Variants in TAFA2 observed in about 807,000 individuals in gnomAD.
The protein encoded by TAFA2 is chemokine-like protein TAFA-2.
Under a neutral mutation model 18.8 loss-of-function variants are expected in TAFA2, and 7 were observed. The observed-to-expected ratio is 0.37, with a 90% CI of 0.21 to 0.70. TAFA2 has a LOEUF of 0.70. Among genes scored for constraint, TAFA2 ranks in the 30% least tolerant of loss-of-function variants. TAFA2 has a pLI of 0.53. For synonymous variants in TAFA2, 60 were observed against 54.2 expected, an observed-to-expected ratio of 1.11 and a Z score of -0.47; for missense variants, 122 against 158.1, an observed-to-expected ratio of 0.77 and a Z score of 1.23.
intron 1 of TAFA2, among the ~76,000 whole-genome samples, chr12:61,934,590 T>C (rs958085534): frequency 3.3e-5 from 5 of 152,236 alleles, no homozygotes; most frequent in African/African-American, 1.2e-4. Flanking sequence ...ACCAAGATTA[T>C]TGTTTGCCTG....
intron 1 of TAFA2, among the ~76,000 whole-genome samples, chr12:62,058,626 CT>C (rs1555186707): frequency 5.9e-5 from 3 of 50,654 alleles, no homozygotes; most frequent in African/African-American, 9.8e-5. Context: ...CACCTCCCCC[CT>C]TTTTTTTCTG....
At chr12:61,724,844 G>A (rs1057402703) in intron 4 of TAFA2, among the ~76,000 whole-genome samples, 1 of 76,420 alleles carries the variant, frequency 1.3e-5, no homozygotes, top group African/African-American at 6.5e-5. Flanking sequence ...CCAGTAGTGA[G>A]ATTGCTGGAT....
intron 2 of TAFA2, among the ~76,000 whole-genome samples, chr12:61,768,001 C>T (rs557190006): frequency 6.2e-4 from 94 of 152,098 alleles, no homozygotes; most frequent in Non-Finnish European, 1.2e-3. Context: ...TTAGGAGAAC[C>T]ACTTGTCAGC....
chr12:62,136,698 C>T (rs1045292795), intron 1 of TAFA2, among the ~76,000 whole-genome samples: 2 of 152,104 alleles, frequency 1.3e-5, no homozygotes, highest in Non-Finnish European at 2.9e-5. Flanking sequence ...ATAACATCTT[C>T]TAACCACAAA....
intron 2 of TAFA2, among the ~76,000 whole-genome samples, chr12:61,819,936 C>CA (rs1475222571): frequency 6.6e-6 from 1 of 151,990 alleles, no homozygotes; most frequent in East Asian, 1.9e-4. Context: ...TTTTTCTTTT[C>CA]AAAATCCATG....
chr12:62,069,681 G>T (rs748454633), intron 1 of TAFA2, among the ~76,000 whole-genome samples: 13 of 152,038 alleles, frequency 8.6e-5, no homozygotes, highest in Non-Finnish European at 1.5e-4. Context: ...CTTGAAAAAA[G>T]AAAACACATA....
upstream of TAFA2, among the ~76,000 whole-genome samples, chr12:62,193,060 G>A (rs989484864): frequency 1.3e-5 from 2 of 152,192 alleles, no homozygotes; most frequent in Non-Finnish European, 2.9e-5. Context: ...TATTCATGAC[G>A]CTGGAAGGTC....
Position 61,736,219 on chromosome 12 carries a change from G to C in TAFA2, c.384+17403C>G, listed in dbSNP as rs75099909. Among the ~76,000 whole-genome samples the C allele has an allele frequency of 1.9e-3, 292 of 152,076 alleles. 2 individuals carry two copies. The highest frequency in any genetic ancestry group is 3.6e-3 in the Admixed American group (55 of 15,234). On this transcript the variant is annotated intron_variant, in intron 4 of 4. Coordinates refer to ENST00000416284, the MANE Select transcript of TAFA2 (RefSeq NM_178539.5). ...TCCATGGGTTAAGTGATTTCCAAGA[G>C]CCGACTAATCTCTGTTAGTCTTCAT...
At chr12:62,190,597 T>C (rs896988999) in intron 1 of TAFA2, among the ~76,000 whole-genome samples, 4 of 152,206 alleles carry the variant, frequency 2.6e-5, no homozygotes, top group African/African-American at 9.6e-5. Flanking sequence ...TGTAGTAGCC[T>C]TTACAAAAGC....
intron 1 of TAFA2, among the ~76,000 whole-genome samples, chr12:61,976,971 C>A (rs1879459577): frequency 6.6e-6 from 1 of 151,968 alleles, no homozygotes; most frequent in Non-Finnish European, 1.5e-5. Flanking sequence ...GTGAATAGTG[C>A]CGTAATAAAC....
At chr12:62,184,662 A>AT (rs1306823003) in intron 1 of TAFA2, among the ~76,000 whole-genome samples, 64 of 142,974 alleles carry the variant, frequency 4.5e-4, no homozygotes, top group East Asian at 1.0e-3. Flanking sequence ...TGCCTGGCTA[A>AT]TTTTTTTTTT....
chr12:61,809,556 A>C (rs1871771916), intron 2 of TAFA2, among the ~76,000 whole-genome samples: 1 of 151,226 alleles, frequency 6.6e-6, no homozygotes, highest in African/African-American at 2.5e-5. Context: ...TACTGAAAGA[A>C]CAGAACAGGC....
chr12:61,710,615 A>C (rs923654602), intron 4 of TAFA2, among the ~76,000 whole-genome samples, 198 bp from the exon 5 acceptor site: 1 of 152,100 alleles, frequency 6.6e-6, no homozygotes, highest in African/African-American at 2.4e-5. Flanking sequence ...ATCATCTCAC[A>C]ATATTTTTAA....
chr12:61,740,158 C>G (rs1868381620), intron 4 of TAFA2, among the ~76,000 whole-genome samples: 1 of 151,958 alleles, frequency 6.6e-6, no homozygotes, highest in Admixed American at 6.6e-5. Context: ...TTTAACAGGA[C>G]CAAGAAGAGA....
intron 2 of TAFA2, among the ~76,000 whole-genome samples, chr12:61,859,867 AT>A (rs1874057701): frequency 6.6e-6 from 1 of 152,220 alleles, no homozygotes; most frequent in Non-Finnish European, 1.5e-5. Flanking sequence ...CTGGTTGATA[AT>A]TGCACACTAA....
chr12:61,846,786 T>A (rs977746286), intron 2 of TAFA2, among the ~76,000 whole-genome samples: 4 of 152,184 alleles, frequency 2.6e-5, no homozygotes, highest in African/African-American at 9.7e-5. Context: ...TAGAGGTATT[T>A]AATTTCCTCT....
chr12:61,712,569 A>G (rs1592337744), intron 4 of TAFA2, among the ~76,000 whole-genome samples: 1 of 152,164 alleles, frequency 6.6e-6, no homozygotes, highest in Non-Finnish European at 1.5e-5. Flanking sequence ...ATCCATTTTC[A>G]TGATGATATC....
intron 2 of TAFA2, among the ~76,000 whole-genome samples, chr12:61,782,187 C>T (rs1266049214): frequency 6.6e-6 from 1 of 151,580 alleles, no homozygotes; most frequent in African/African-American, 2.4e-5. Context: ...AAGTTAACCT[C>T]AAAAATGAGT....
chr12:61,908,968 G>A (rs1876485916), intron 1 of TAFA2, among the ~76,000 whole-genome samples: 1 of 152,164 alleles, frequency 6.6e-6, no homozygotes, highest in Non-Finnish European at 1.5e-5. Flanking sequence ...TCATCCTAGA[G>A]TGATCCAGTA....
Sources: gnomAD v4.1 joint callset for allele counts (sites outside exome capture counted in the v4.1 genomes callset) on GRCh38, gnomAD v4.1.1 for gene constraint, MANE v1.5 for transcripts, NCBI Gene and HGNC (gene_info 2026-07-23, HGNC 2026-07-21) for gene names.